The following CYGB variants were observed in gnomAD, a reference collection of about 807,000 sequenced individuals.
CYGB encodes histoglobin.
A neutral mutation model predicts 20.7 loss-of-function variants in CYGB; 13 were observed. That is an observed-to-expected ratio of 0.63 (90% CI 0.41 to 1.00). The LOEUF (loss-of-function observed/expected upper bound fraction) is 1.00. Among genes scored for constraint, CYGB ranks in the 50% least tolerant of loss-of-function variants. The pLI is 0.00. For missense variants in CYGB, 218 were observed against 257.2 expected (o/e 0.85, Z 1.04); for synonymous variants, 93 against 107.4 (o/e 0.87, Z 0.83).
At chr17:76,539,993 C>T (rs1294440781), upstream of CYGB, 18 of 789,860 alleles carry the variant, frequency 2.3e-5, no homozygotes, top group Non-Finnish European at 3.1e-5. Context: ...GGCCGCTGAC[C>T]CACTAATCAG....
At chr17:76,550,965 T>G (rs2075103500) in exon 1 of CYGB, 2 of 152,170 alleles carry the variant, frequency 1.3e-5, no homozygotes, top group Non-Finnish European at 2.9e-5. Context: ...GATGAGAAAA[T>G]AAGACTCAGA....
chr17:76,537,967 G>C (rs1480788449), upstream of CYGB: 2 of 151,288 alleles, frequency 1.3e-5, no homozygotes, highest in Admixed American at 1.3e-4. Flanking sequence ...CGGGGCGCTG[G>C]GGGTCCCGGG....
chr17:76,541,955 TG>T (rs1014491078), upstream of CYGB, among the ~76,000 whole-genome samples: 2 of 152,236 alleles, frequency 1.3e-5, no homozygotes, highest in Admixed American at 1.3e-4. Flanking sequence ...TCTTGTTTCA[TG>T]CTCGGGACCT....
Position 76,527,789 on chromosome 17 carries a change from C to A in CYGB, c.*789G>T, listed in dbSNP as rs1346503952. 2.2e-6 allele frequency: 1 copy of A among 454,004 alleles called. No individual in the cohort carries two copies. Among genetic ancestry groups the A allele is most frequent in the East Asian group, 6.9e-5 (1 of 14,398 alleles). The allele number at this position is 454,004 out of a possible 1,614,324, so 28.1% of individuals were successfully genotyped here. ...GAGGCCCCTCCCCCAGTGCGGTCAT[C>A]CCACCCAGAACTTCGCTCTGCCCCT... On this transcript the variant is annotated 3_prime_UTR_variant, in exon 4 of 4. Transcript: ENST00000293230.
chr17:76,549,174 G>A (rs1316896000), intron 1 of CYGB, among the ~76,000 whole-genome samples: 1 of 152,222 alleles, frequency 6.6e-6, no homozygotes, highest in Non-Finnish European at 1.5e-5. Context: ...AAGACTAGGA[G>A]TAAATATTTG....
rs1395185194 is a variant in CYGB, at chr17:76,531,189, G to A, written c.376-47C>T. 18 of 1,578,716 alleles carry A rather than the reference G, an allele frequency of 1.1e-5. 1 individual carries two copies. Among genetic ancestry groups the A allele is most frequent in the Middle Eastern group, 1.9e-4 (1 of 5,190 alleles). On this transcript the variant is annotated intron_variant, in intron 2 of 3. Coordinates refer to ENST00000293230, the MANE Select transcript of CYGB (RefSeq NM_134268.5). The surrounding 1 kb of genome is among the most constrained non-coding windows in gnomAD (Gnocchi z 7.4). ...GGGAGTGAACGCCCGGGCGCCCTGC[G>A]TCCTGCAACCCCCAGGCCCCTCCGC...
upstream of CYGB, chr17:76,540,605 G>A: frequency 6.2e-7 from 1 of 1,606,910 alleles, no homozygotes. The surrounding 1 kb of genome is among the most constrained non-coding windows in gnomAD (Gnocchi z 5.0). Context: ...GGGGAGGGAG[G>A]GTGCTGCCAA....
rs199918080 is a variant in CYGB at position 76,531,615 on chromosome 17, G to A, written c.220C>T (p.Arg74Trp). Residue 74 changes from arginine (R) to tryptophan (W), a missense_variant, in exon 2 of 4, where the codon CGG becomes TGG. This residue lies in a region of CYGB where 152 missense variants were observed against 149.9 expected (regional missense o/e 1.01). Coordinates refer to ENST00000293230, the MANE Select transcript of CYGB (RefSeq NM_134268.5). This position sits in a 1 kb window ranked among gnomAD's most constrained non-coding sequence, Gnocchi z 7.4. ...GCGTGCTTCCGCAGCTGGGGGCTCC[G>A]CTCCATCTCCAGGGGATCCTCCATG... ...KHMEDPLEME[R>W]SPQLRKHACR... 87 of 1,613,330 alleles carry A rather than the reference G, an allele frequency of 5.4e-5. No individual in the cohort carries two copies. The highest frequency in any genetic ancestry group is 2.6e-5 in the Non-Finnish European group (31 of 1,179,414).
chr17:76,540,609 C>G (rs771924891), upstream of CYGB: 1 of 1,599,916 alleles, frequency 6.3e-7, no homozygotes, highest in African/African-American at 1.3e-5. This position sits in a 1 kb window ranked among gnomAD's most constrained non-coding sequence, Gnocchi z 5.0. Context: ...AGGGAGGGTG[C>G]TGCCAAGGAA....
At position 76,530,943 on chromosome 17, in the gene CYGB, G is replaced by A; in HGVS notation, c.539+36C>T. 1 of 1,536,950 alleles carries A rather than the reference G, an allele frequency of 6.5e-7. No individual in the cohort carries two copies. Among genetic ancestry groups the A allele is most frequent in the South Asian group, 1.2e-5 (1 of 82,650 alleles). On this transcript the variant is annotated intron_variant, in intron 3 of 3. Transcript: ENST00000293230. The surrounding 1 kb of genome is among the most constrained non-coding windows in gnomAD (Gnocchi z 6.1). ...TCGGGGACAGCAGAGGACATGGCGGGGAGGCTGCCCAGCCCACCCTCGCCC... is the reference window on the plus strand; with the variant it reads ...TCGGGGACAGCAGAGGACATGGCGGAGAGGCTGCCCAGCCCACCCTCGCCC...
chr17:76,536,963 T>C (rs1005640887), intron 1 of CYGB, among the ~76,000 whole-genome samples: 1 of 152,230 alleles, frequency 6.6e-6, no homozygotes, highest in Non-Finnish European at 1.5e-5. Context: ...CGCAAGCCGC[T>C]GAGCTGGAGA....
Position 76,531,747 on chromosome 17 carries a change from T to G in CYGB, c.144-56A>C. 6.8e-7 allele frequency: 1 copy of G among 1,463,558 alleles called. No homozygotes were observed. Among genetic ancestry groups the G allele is most frequent in the Non-Finnish European group, 9.3e-7 (1 of 1,070,156 alleles). 90.7% of individuals were successfully genotyped at this position (1,463,558 alleles called of 1,614,324 possible). On this transcript the variant is annotated intron_variant, in intron 1 of 3. Coordinates refer to ENST00000293230, the MANE Select transcript of CYGB (RefSeq NM_134268.5). The surrounding 1 kb of genome is among the most constrained non-coding windows in gnomAD (Gnocchi z 7.4). ...GCTGGAGGCTGCCTCGGGCCCACCC[T>G]GAAGCTTCCAGGATAGTGGGGGCTG...
rs2074819458 is a variant in CYGB at position 76,530,203 on chromosome 17, C to T, written c.539+776G>A. 6.6e-6 allele frequency among the ~76,000 whole-genome samples: 1 copy of T among 152,150 alleles called. No individual in the cohort carries two copies. Among genetic ancestry groups the T allele is most frequent in the African/African-American group, 2.4e-5 (1 of 41,430 alleles). Reference sequence around the variant, plus strand: ...CCCGCCTCCGCTCCTCTCCTCCTTCCTACTCCAGCCCTGCCTCCGCCTCTC... The same window carrying T: ...CCCGCCTCCGCTCCTCTCCTCCTTCTTACTCCAGCCCTGCCTCCGCCTCTC... On this transcript the variant is annotated intron_variant, in intron 3 of 3. Coordinates refer to ENST00000293230, the MANE Select transcript of CYGB (RefSeq NM_134268.5). The surrounding 1 kb of genome is among the most constrained non-coding windows in gnomAD (Gnocchi z 6.1).
At position 76,531,954 on chromosome 17, in the gene CYGB, G is replaced by A. The variant is rs905337066; in HGVS notation, c.144-263C>T. 1.1e-4 allele frequency: 43 copies of A among 375,368 alleles called. No individual in the cohort carries two copies. The highest frequency in any genetic ancestry group is 7.6e-4 in the African/African-American group (38 of 49,862). 23.3% of individuals were successfully genotyped at this position (375,368 alleles called of 1,614,324 possible). A position where few individuals can be genotyped will look rare whatever the true frequency, so the allele number is the denominator to read the frequency against. ...CATCTCCTAGGCCTCTGTCTTCCTCGCTTCTTGCTTCCTTCCCAAACTCTA... is the reference window on the plus strand; with the variant it reads ...CATCTCCTAGGCCTCTGTCTTCCTCACTTCTTGCTTCCTTCCCAAACTCTA... On this transcript the variant is annotated intron_variant, in intron 1 of 3. Coordinates refer to ENST00000293230, the MANE Select transcript of CYGB (RefSeq NM_134268.5). This position sits in a 1 kb window ranked among gnomAD's most constrained non-coding sequence, Gnocchi z 7.4.
chr17:76,544,116 C>T (rs953594091), intron 1 of CYGB: 10 of 454,538 alleles, frequency 2.2e-5, no homozygotes, highest in African/African-American at 8.0e-5. Flanking sequence ...AGCAGATTTC[C>T]GCTTCTGCTC....
intron 1 of CYGB, among the ~76,000 whole-genome samples, chr17:76,534,417 G>A (rs1598205933): frequency 1.3e-5 from 2 of 152,174 alleles, no homozygotes; most frequent in East Asian, 3.9e-4. Flanking sequence ...GACCTCCGGT[G>A]ATCTGCCTGC....
intron 1 of CYGB, among the ~76,000 whole-genome samples, chr17:76,532,448 G>A (rs1450177818): frequency 6.6e-6 from 1 of 151,856 alleles, no homozygotes; most frequent in Non-Finnish European, 1.5e-5. Flanking sequence ...CTTCCAGCGT[G>A]TCAGACTGGA....
At chr17:76,537,303 G>C (rs1598208082) in intron 1 of CYGB, 97 bp downstream of exon 1, 2 of 1,329,278 alleles carry the variant, frequency 1.5e-6, no homozygotes, top group East Asian at 6.4e-5. Flanking sequence ...CGGCTGGGGA[G>C]GTGGCGCTGG....
Position 76,530,839 on chromosome 17 carries a change from G to T in CYGB, c.539+140C>A. 1 of 900,438 alleles carries T rather than the reference G, an allele frequency of 1.1e-6. No individual in the cohort carries two copies. The highest frequency in any genetic ancestry group is 1.6e-6 in the Non-Finnish European group (1 of 610,448). 55.8% of individuals were successfully genotyped at this position (900,438 alleles called of 1,614,324 possible). On this transcript the variant is annotated intron_variant, in intron 3 of 3. Coordinates refer to ENST00000293230, the MANE Select transcript of CYGB (RefSeq NM_134268.5). The surrounding 1 kb of genome is among the most constrained non-coding windows in gnomAD (Gnocchi z 6.1). ...TTTCCTATTATGCCTGTTCTTACATGTCAGACCCCAGGGTTGGCCTGCCTC... is the reference window on the plus strand; with the variant it reads ...TTTCCTATTATGCCTGTTCTTACATTTCAGACCCCAGGGTTGGCCTGCCTC...
Sources: allele counts gnomAD v4.1 joint callset (sites outside exome capture counted in the v4.1 genomes callset), GRCh38; gene constraint gnomAD v4.1.1; regional missense constraint gnomAD v4.1.1; non-coding constraint Gnocchi (gnomAD v3.1); transcripts MANE v1.5; gene names NCBI Gene and HGNC (gene_info 2026-07-23, HGNC 2026-07-21).